The following CLDN14 variants were observed in gnomAD, a reference collection of about 807,000 sequenced individuals.
CLDN14 encodes the protein claudin-14.
A neutral mutation model predicts 2.1 loss-of-function variants in CLDN14; 2 were observed. The ratio of observed to expected loss-of-function variants is 0.96; its 90% CI spans 0.39 to 3.01. CLDN14 has a LOEUF of 3.01. Among genes scored for constraint, CLDN14 ranks in the 30% most tolerant of loss-of-function variants. The pLI, the probability that CLDN14 is intolerant of heterozygous loss-of-function variation, is 0.09. For missense variants in CLDN14, 298 were observed against 328.0 expected (o/e 0.91, Z 0.71); for synonymous variants, 136 against 154.4 (o/e 0.88, Z 0.88).
chr21:36,550,500 A>T (rs980970980), intron 1 of CLDN14, among the ~76,000 whole-genome samples: 1 of 152,202 alleles, frequency 6.6e-6, no homozygotes, highest in Admixed American at 6.5e-5. Context: ...CCCTTTCAAG[A>T]GAAGTCAAAG....
chr21:36,558,074 C>T (rs992237282), intron 1 of CLDN14, among the ~76,000 whole-genome samples: 1 of 152,110 alleles, frequency 6.6e-6, no homozygotes, highest in African/African-American at 2.4e-5. Context: ...TCACCCTTGT[C>T]AAAAATCAGT....
intron 1 of CLDN14, among the ~76,000 whole-genome samples, chr21:36,548,299 T>C (rs1227708300): frequency 6.6e-6 from 1 of 152,108 alleles, no homozygotes; most frequent in Non-Finnish European, 1.5e-5. Flanking sequence ...ATGTGATAAA[T>C]GCCAATCTCC....
intron 2 of CLDN14, chr21:36,486,266 C>CCTCAGTCACACTG (rs60694231): frequency 0.044 from 36,037 of 823,926 alleles, 1,212 homozygotes; most frequent in African/African-American, 0.11. Context: ...ATCCCCTCTT[C>CCTCAGTCACACTG]CTTAGGTCAG....
intron 1 of CLDN14, among the ~76,000 whole-genome samples, chr21:36,516,442 C>T (rs2087229603): frequency 6.6e-6 from 1 of 152,122 alleles, no homozygotes; most frequent in Non-Finnish European, 1.5e-5. Context: ...CAGAAACTTC[C>T]CTCTCGTTCT....
chr21:36,540,027 A>ATGGTG (rs1390918306), intron 1 of CLDN14, among the ~76,000 whole-genome samples: 1 of 142,114 alleles, frequency 7.0e-6, no homozygotes, highest in East Asian at 2.2e-4. Context: ...TGGTATGTGT[A>ATGGTG]TGGTGTGGTG....
chr21:36,522,001 A>T (rs2146493614), intron 1 of CLDN14, among the ~76,000 whole-genome samples: 1 of 152,308 alleles, frequency 6.6e-6, no homozygotes, highest in South Asian at 2.1e-4. Flanking sequence ...CAGCTAAAAA[A>T]TTCCCTATCA....
In CLDN14 at chr21:36,498,890, C is replaced by T. The variant is rs1176716220; in HGVS notation, c.-82+11473G>A. Among the ~76,000 whole-genome samples, 3 of 152,062 alleles carry T rather than the reference C, an allele frequency of 2.0e-5. No individual in the cohort carries two copies. Among genetic ancestry groups the T allele is most frequent in the Non-Finnish European group, 4.4e-5 (3 of 68,002 alleles). ...AAGGCTTGATTCCTGCCTGAGGTGC[C>T]AGGAACCTGTCCCTTTCTTCTAGGT... On this transcript the variant is annotated intron_variant, in intron 2 of 2. Transcript: ENST00000342108. The surrounding 1 kb of genome is among the most constrained non-coding windows in gnomAD (Gnocchi z 4.9).
intron 1 of CLDN14, among the ~76,000 whole-genome samples, chr21:36,472,130 A>G (rs2086717821): frequency 6.6e-6 from 1 of 152,204 alleles, no homozygotes; most frequent in Admixed American, 6.5e-5. Flanking sequence ...GAAGTGTAGA[A>G]AGGTTACATA....
In CLDN14 at chr21:36,508,656, C is replaced by T. The variant is rs138478891; in HGVS notation, c.-82+1707G>A. ...CAAGCAAGCACAGAGCCACCCTCTACAAGGACACCGGAGCACTGAGGCCAT... is the reference window on the plus strand; with the variant it reads ...CAAGCAAGCACAGAGCCACCCTCTATAAGGACACCGGAGCACTGAGGCCAT... On this transcript the variant is annotated intron_variant, in intron 2 of 2. Coordinates refer to the CLDN14 transcript ENST00000342108. 1.4e-4 allele frequency among the ~76,000 whole-genome samples: 22 copies of T among 152,330 alleles called. No individual in the cohort carries two copies. The East Asian group carries it at 4.1e-3, about 28-fold the overall frequency.
At chr21:36,575,715 A>G (rs1439501911) in intron 1 of CLDN14, among the ~76,000 whole-genome samples, 1 of 152,322 alleles carries the variant, frequency 6.6e-6, no homozygotes, top group African/African-American at 2.4e-5. Flanking sequence ...ATAGAAGCTT[A>G]TGGTGTTGAA....
At chr21:36,572,503 C>T (rs2087716918) in intron 1 of CLDN14, among the ~76,000 whole-genome samples, 1 of 152,210 alleles carries the variant, frequency 6.6e-6, no homozygotes, top group Admixed American at 6.5e-5. Context: ...TAGCACCACA[C>T]TTAGCCAGCT....
At chr21:36,538,625 G>A (rs951887158) in intron 1 of CLDN14, among the ~76,000 whole-genome samples, 1 of 143,610 alleles carries the variant, frequency 7.0e-6, no homozygotes, top group Non-Finnish European at 1.6e-5. Context: ...AGGAAAAAAA[G>A]AGAGAGAAAA....
rs1190177579 is a variant in CLDN14, at chr21:36,528,580, CA to C, written c.-219-18081del. On this transcript the variant is annotated intron_variant, in intron 1 of 2. Coordinates refer to the CLDN14 transcript ENST00000342108. ...CCACTGTGTCCTCACAGGAAGGCAG[CA>C]ATAAGGAACTGGGTTAGGGTCTCTT... Among the ~76,000 whole-genome samples the C allele has an allele frequency of 4.6e-5, 7 of 152,308 alleles. No homozygotes were observed. In the South Asian group the frequency reaches 1.4e-3, roughly 32 times the overall value.
intron 1 of CLDN14, chr21:36,532,143 G>T (rs2087385254): frequency 1.3e-5 from 2 of 152,180 alleles, no homozygotes; most frequent in African/African-American, 4.8e-5. Context: ...ACACCCGAGT[G>T]TGGCATGCTA....
intron 1 of CLDN14, among the ~76,000 whole-genome samples, chr21:36,535,861 C>T (rs1281253782): frequency 6.6e-6 from 1 of 152,140 alleles, no homozygotes; most frequent in African/African-American, 2.4e-5. Context: ...CATATGAAAC[C>T]CTTCGGGTTA....
intron 1 of CLDN14, among the ~76,000 whole-genome samples, chr21:36,476,101 T>C (rs2086776119): frequency 6.6e-6 from 1 of 152,192 alleles, no homozygotes; most frequent in African/African-American, 2.4e-5. Flanking sequence ...TGGGATCTCC[T>C]GAGATGGAGA....
upstream of CLDN14, among the ~76,000 whole-genome samples, chr21:36,482,948 A>G (rs1325774090): frequency 6.6e-6 from 1 of 152,190 alleles, no homozygotes; most frequent in Non-Finnish European, 1.5e-5. Context: ...ACGTCTATTT[A>G]CTAATTTAAT....
intron 2 of CLDN14, among the ~76,000 whole-genome samples, chr21:36,505,614 T>C (rs1279740614): frequency 6.6e-6 from 1 of 152,196 alleles, no homozygotes; most frequent in Non-Finnish European, 1.5e-5. Flanking sequence ...GGCTCAGAGA[T>C]TCCACCATTG....
At chr21:36,523,598 A>G (rs927905908) in intron 1 of CLDN14, among the ~76,000 whole-genome samples, 3 of 151,560 alleles carry the variant, frequency 2.0e-5, no homozygotes, top group African/African-American at 7.3e-5. Flanking sequence ...AATACAAAAA[A>G]TTAGCCATGC....
Sources: allele counts gnomAD v4.1 joint callset (sites outside exome capture counted in the v4.1 genomes callset), GRCh38; gene constraint gnomAD v4.1.1; non-coding constraint Gnocchi (gnomAD v3.1); transcripts MANE v1.5; gene names NCBI Gene and HGNC (gene_info 2026-07-23, HGNC 2026-07-21).